The following CLIP2 variants were observed in gnomAD, a reference collection of about 807,000 sequenced individuals.
CLIP2 encodes the protein CAP-Gly domain-containing linker protein 2.
CLIP2 carries 41 observed loss-of-function variants against 111.7 expected under a neutral mutation model. The observed-to-expected ratio is 0.37, with a 90% CI of 0.29 to 0.48. The LOEUF is 0.48. CLIP2 is among the 20% of genes least tolerant of loss of function. CLIP2 has a pLI of 0.99. For missense variants in CLIP2, 1,160 were observed against 1,422.1 expected, an observed-to-expected ratio of 0.82 and a Z score of 2.96; for synonymous variants, 660 against 644.2, an observed-to-expected ratio of 1.02 and a Z score of -0.37.
intron 16 of CLIP2, chr7:74,401,791 C>T (rs1791628068): frequency 1.2e-5 from 8 of 659,830 alleles, no homozygotes; most frequent in South Asian, 3.1e-5. Context: ...ATAGGTTGGG[C>T]GCAGTGGCCC....
rs959609700 is a variant in CLIP2, at chr7:74,300,953, A to G, written c.-68+11219A>G. ...TTCCTTTGGGTAGATGGCAATTAGT[A>G]GGATTGCTGGATGGAAGGGCCATTC... On this transcript the variant is annotated intron_variant, in intron 1 of 16. Coordinates refer to ENST00000223398, the MANE Select transcript of CLIP2 (RefSeq NM_003388.5). 7.9e-5 allele frequency among the ~76,000 whole-genome samples: 12 copies of G among 152,314 alleles called. No homozygotes were observed. In the East Asian group the frequency reaches 2.3e-3, roughly 29 times the overall value.
In CLIP2 at chr7:74,298,594, G is replaced by A. The variant is rs1406062373; in HGVS notation, c.-68+8860G>A. On this transcript the variant is annotated intron_variant, in intron 1 of 16. Coordinates refer to ENST00000223398, the MANE Select transcript of CLIP2 (RefSeq NM_003388.5). ...CCAGGTTGGAGTGCAGTGGCGTGGC[G>A]TGATCTCGGCTCACTGCGGCCTCCG... Among the ~76,000 whole-genome samples the A allele has an allele frequency of 1.4e-4, 20 of 138,818 alleles. No individual in the cohort carries two copies. In the East Asian group the frequency reaches 2.4e-3, roughly 17 times the overall value. The allele number at this position is 138,818 out of a possible 152,430, so 91.1% of individuals were successfully genotyped here.
At position 74,360,317 on chromosome 7, in the gene CLIP2, C is replaced by G. The variant is rs200343724; in HGVS notation, c.1319+39C>G. The G allele has an allele frequency of 1.0e-3, 1,492 of 1,481,534 alleles. 1 individual carries two copies. Among genetic ancestry groups the G allele is most frequent in the Non-Finnish European group, 1.2e-3 (1,341 of 1,082,482 alleles). 91.8% of individuals were successfully genotyped at this position (1,481,534 alleles called of 1,614,324 possible). A position where few individuals can be genotyped will look rare whatever the true frequency, so the allele number is the denominator to read the frequency against. On this transcript the variant is annotated intron_variant, in intron 7 of 16. Transcript: ENST00000223398. ...CACCCTCGCCCTGGCCCTGAGTCCC[C>G]TTAAGGAGGATGAGGAAGAGGGCAG...
intron 2 of CLIP2, among the ~76,000 whole-genome samples, chr7:74,325,359 C>T (rs2116521956): frequency 6.6e-6 from 1 of 152,170 alleles, no homozygotes; most frequent in South Asian, 2.1e-4. Flanking sequence ...GGTGGAGCAG[C>T]GTGGCGAGGG....
At chr7:74,324,887 C>T (rs1467577973) in intron 2 of CLIP2, among the ~76,000 whole-genome samples, 4 of 152,122 alleles carry the variant, frequency 2.6e-5, no homozygotes, top group Admixed American at 2.0e-4. Flanking sequence ...GACGGTCCCC[C>T]CAGTCCTGTT....
intron 1 of CLIP2, among the ~76,000 whole-genome samples, chr7:74,313,387 G>A (rs1162026702): frequency 6.6e-5 from 10 of 151,938 alleles, no homozygotes; most frequent in African/African-American, 2.2e-4. Context: ...GTGAAACCCC[G>A]TCTCTACTAA....
chr7:74,321,898 C>T (rs987761586), intron 2 of CLIP2, among the ~76,000 whole-genome samples: 11 of 151,986 alleles, frequency 7.2e-5, no homozygotes, highest in South Asian at 2.1e-4. Flanking sequence ...CGCTTCCAGA[C>T]GTGCAAACTC....
At chr7:74,351,598 G>T (rs1554307576) in intron 3 of CLIP2, among the ~76,000 whole-genome samples, 1 of 152,210 alleles carries the variant, frequency 6.6e-6, no homozygotes, top group African/African-American at 2.4e-5. Context: ...CACTTTGGGA[G>T]GCTAAGGAGG....
At chr7:74,324,935 C>T (rs1390761088) in intron 2 of CLIP2, among the ~76,000 whole-genome samples, 1 of 152,108 alleles carries the variant, frequency 6.6e-6, no homozygotes, top group East Asian at 1.9e-4. Flanking sequence ...TGCAACTGTC[C>T]ATCTGTTCTC....
At chr7:74,322,806 C>T (rs1283869682) in intron 2 of CLIP2, among the ~76,000 whole-genome samples, 7 of 152,130 alleles carry the variant, frequency 4.6e-5, no homozygotes, top group African/African-American at 1.4e-4. Flanking sequence ...TCTTGGCTCA[C>T]TGCAACCTTC....
At chr7:74,396,855 A>C (rs1791464109) in intron 13 of CLIP2, among the ~76,000 whole-genome samples, 1 of 151,916 alleles carries the variant, frequency 6.6e-6, no homozygotes, top group Admixed American at 6.6e-5. Context: ...GTACTCTAGG[A>C]AAGGTCAAGT....
chr7:74,347,853 A>C (rs1192612470), intron 3 of CLIP2, among the ~76,000 whole-genome samples: 1 of 152,236 alleles, frequency 6.6e-6, no homozygotes, highest in African/African-American at 2.4e-5. Flanking sequence ...GTGTTAGAAG[A>C]TAAAGATAAG....
chr7:74,393,465 T>C (rs1271170891), intron 13 of CLIP2, among the ~76,000 whole-genome samples: 3 of 151,946 alleles, frequency 2.0e-5, no homozygotes, highest in Non-Finnish European at 4.4e-5. Context: ...GCCTTATGAG[T>C]AGCTGGGATT....
chr7:74,317,289 T>A (rs1322769625), intron 1 of CLIP2, among the ~76,000 whole-genome samples, 191 bp from the exon 2 acceptor site: 1 of 151,582 alleles, frequency 6.6e-6, no homozygotes, highest in Non-Finnish European at 1.5e-5. Flanking sequence ...GTAGAGGGGG[T>A]GCGTGCTGGG....
intron 3 of CLIP2, among the ~76,000 whole-genome samples, chr7:74,343,614 C>T (rs1584344327): frequency 1.3e-5 from 2 of 151,882 alleles, no homozygotes; most frequent in East Asian, 1.9e-4. Flanking sequence ...TGATGGCAGC[C>T]GGGCACGGTG....
At chr7:74,309,483 C>A (rs142293002) in intron 1 of CLIP2, among the ~76,000 whole-genome samples, 1 of 152,126 alleles carries the variant, frequency 6.6e-6, no homozygotes, top group African/African-American at 2.4e-5. Flanking sequence ...TCTGTGTATA[C>A]GGTTTTGAAA....
rs1554732685 is a variant in CLIP2, at chr7:74,338,705, G to T, written c.379G>T (p.Val127Leu). 6.3e-7 allele frequency: 1 copy of T among 1,587,168 alleles called. No homozygotes were observed. ...CAAGAATGATGGCGCGGTGGGCGGC[G>T]TGCGCTACTTCGAGTGCCCGGCCCT... ...VGKNDGAVGG[V>L]RYFECPALQG... The change falls in exon 3 of 17, where the codon GTG becomes TTG. Residue 127 changes from valine (V) to leucine (L), a missense_variant. Val to Leu is a conservative substitution (Grantham distance 32). Around this residue, in one of 5 missense-constraint regions of CLIP2, gnomAD observed 301 missense variants for 315.2 expected, o/e 0.96. Coordinates refer to ENST00000223398, the MANE Select transcript of CLIP2 (RefSeq NM_003388.5). This position sits in a 1 kb window ranked among gnomAD's most constrained non-coding sequence, Gnocchi z 4.3.
chr7:74,380,724 T>C lies in CLIP2; in HGVS notation c.2422-82T>C, dbSNP rs1010292690. ...CTTTGTAGGAGTAGGGTGTGCAAAC[T>C]GCAGGTGTGCTTGCTGGGCTGGCTG... On this transcript the variant is annotated intron_variant, in intron 10 of 16. Transcript: ENST00000223398. 7.2e-5 allele frequency: 85 copies of C among 1,176,842 alleles called. No homozygotes were observed. In the African/African-American group the frequency reaches 1.2e-3, roughly 16 times the overall value. 72.9% of individuals were successfully genotyped at this position (1,176,842 alleles called of 1,614,324 possible). A position where few individuals can be genotyped will look rare whatever the true frequency, so the allele number is the denominator to read the frequency against.
intron 6 of CLIP2, among the ~76,000 whole-genome samples, chr7:74,358,067 T>A (rs1445290644): frequency 6.9e-6 from 1 of 144,612 alleles, no homozygotes; most frequent in Non-Finnish European, 1.5e-5. Context: ...TTTTTTTTTT[T>A]ATGAGACAGA....
Sources: allele counts gnomAD v4.1 joint callset (sites outside exome capture counted in the v4.1 genomes callset), GRCh38; gene constraint gnomAD v4.1.1; regional missense constraint gnomAD v4.1.1; non-coding constraint Gnocchi (gnomAD v3.1); transcripts MANE v1.5; gene names NCBI Gene and HGNC (gene_info 2026-07-23, HGNC 2026-07-21).